USP54: variants seen among roughly 807,000 people sequenced by gnomAD.
USP54 encodes the protein ubiquitin specific peptidase 54.
Under a neutral mutation model 170.5 loss-of-function variants are expected in USP54, and 87 were observed. That is an observed-to-expected ratio of 0.51 (90% CI 0.43 to 0.61). The LOEUF (loss-of-function observed/expected upper bound fraction) is 0.61, where lower values mean the gene tolerates loss of function less well. USP54 is among the 20% of genes least tolerant of loss of function. The pLI, the probability that USP54 is intolerant of heterozygous loss-of-function variation, is 0.00. For missense variants in USP54, 1,786 were observed against 2,047.8 expected (o/e 0.87, Z 2.47); for synonymous variants, 655 against 742.8 (o/e 0.88, Z 1.92).
intron 1 of USP54, among the ~76,000 whole-genome samples, chr10:73,622,754 A>T (rs1243151932): frequency 6.6e-6 from 1 of 151,732 alleles, no homozygotes; most frequent in South Asian, 2.1e-4. Context: ...GGTGCTTGAG[A>T]TCAGCATGGG....
intron 1 of USP54, among the ~76,000 whole-genome samples, chr10:73,596,968 T>A (rs531825978): frequency 6.6e-6 from 1 of 152,238 alleles, no homozygotes; most frequent in Admixed American, 6.5e-5. Context: ...CATGACATTG[T>A]GAAGAAGGAA....
At chr10:73,539,225 G>A (rs998764999) in intron 10 of USP54, among the ~76,000 whole-genome samples, 4 of 145,926 alleles carry the variant, frequency 2.7e-5, no homozygotes, top group Admixed American at 7.0e-5. Context: ...ATTGCAGTGA[G>A]CCAAGACCAA....
chr10:73,565,738 T>C (rs1051686907), intron 4 of USP54, among the ~76,000 whole-genome samples: 2 of 152,318 alleles, frequency 1.3e-5, no homozygotes, highest in South Asian at 4.1e-4. Context: ...TATTCTATGA[T>C]CTAGCAATTC....
At chr10:73,587,344 G>A (rs1055775893) in intron 1 of USP54, among the ~76,000 whole-genome samples, 86 of 152,046 alleles carry the variant, frequency 5.7e-4, no homozygotes, top group Admixed American at 1.2e-3. Flanking sequence ...GTGTGGTGGC[G>A]AGCACCTGTG....
chr10:73,613,431 C>T (rs147822343), intron 1 of USP54, among the ~76,000 whole-genome samples: 92 of 151,146 alleles, frequency 6.1e-4, no homozygotes, highest in Admixed American at 5.2e-3. Flanking sequence ...AGCCACCGCA[C>T]CCGGCCTACC....
intron 1 of USP54, among the ~76,000 whole-genome samples, chr10:73,588,091 T>C (rs2077735243): frequency 6.6e-6 from 1 of 152,152 alleles, no homozygotes; most frequent in South Asian, 2.1e-4. Context: ...CACACACACA[T>C]ATAACTACTA....
At chr10:73,548,845 C>T (rs1372810949) in intron 4 of USP54, among the ~76,000 whole-genome samples, 3 of 152,122 alleles carry the variant, frequency 2.0e-5, no homozygotes, top group Non-Finnish European at 4.4e-5. Flanking sequence ...GCACGTTGTG[C>T]ACATGTACCC....
In USP54 at chr10:73,561,347, G is replaced by C. The variant is rs551482057; in HGVS notation, c.240+10074C>G. On this transcript the variant is annotated intron_variant, in intron 4 of 23. Transcript: ENST00000687698. ...CATTTCTAAAACTTCATGAAGGGCA[G>C]GGCACAGTGACTCACATCTGTAATC... 2.6e-5 allele frequency among the ~76,000 whole-genome samples: 4 copies of C among 152,250 alleles called. No individual in the cohort carries two copies. In the East Asian group the frequency reaches 7.7e-4, roughly 29 times the overall value.
rs767215464 is a variant in USP54, at chr10:73,530,237, G to A, written c.1734C>T (p.Pro578=). The A allele has an allele frequency of 6.2e-7, 1 of 1,613,986 alleles. No individual in the cohort carries two copies. Residue 578 remains proline, a synonymous_variant, in exon 14 of 24, where the codon CCC becomes CCT. Coordinates refer to ENST00000687698, the MANE Select transcript of USP54 (RefSeq NM_001391956.1). The part of the protein sequence containing the change: ...SSSKYRPTWR[P]KRESLNIDSI... ...TGTCAATATTCAGAGATTCTCGTTT[G>A]GGTCTCCATGTGGGACGATACTTGC... is the stretch of plus-strand genomic sequence containing the variant.
At chr10:73,611,376 T>C (rs936035747) in intron 1 of USP54, among the ~76,000 whole-genome samples, 3 of 152,164 alleles carry the variant, frequency 2.0e-5, no homozygotes, top group African/African-American at 7.2e-5. Context: ...GTACAAGGTA[T>C]GGTAGCTCCT....
Position 73,516,355 on chromosome 10 carries a change from A to T in USP54, c.4051+20T>A. Reference sequence around the variant, plus strand: ...TATATGATCCTCCCCCCTCCCCCCAACCCCTGGTTGCATTCTTACCTGTTT... The same window carrying T: ...TATATGATCCTCCCCCCTCCCCCCATCCCCTGGTTGCATTCTTACCTGTTT... On this transcript the variant is annotated intron_variant, in intron 20 of 23. Transcript: ENST00000687698. 1 of 1,584,442 alleles carries T rather than the reference A, an allele frequency of 6.3e-7. No homozygotes were observed. Among genetic ancestry groups the T allele is most frequent in the South Asian group, 1.2e-5 (1 of 85,996 alleles).
intron 9 of USP54, 31 bp downstream of exon 9, chr10:73,541,344 A>C: frequency 6.2e-7 from 1 of 1,613,300 alleles, no homozygotes; most frequent in Non-Finnish European, 8.5e-7. Flanking sequence ...GCAAGAACTC[A>C]AAGTGAGAGA....
chr10:73,581,462 T>C (rs1289869077), intron 1 of USP54, among the ~76,000 whole-genome samples: 6 of 152,172 alleles, frequency 3.9e-5, no homozygotes, highest in African/African-American at 1.2e-4. Context: ...GAGGCAGATT[T>C]ACCAAGCCAC....
chr10:73,515,077 A>C (rs1232186446), intron 20 of USP54, among the ~76,000 whole-genome samples: 3 of 151,904 alleles, frequency 2.0e-5, no homozygotes, highest in African/African-American at 7.3e-5. Context: ...CAAATCTTAT[A>C]TTTATGTGGT....
chr10:73,608,247 G>A (rs1351109711), intron 1 of USP54, among the ~76,000 whole-genome samples: 18 of 151,762 alleles, frequency 1.2e-4, no homozygotes, highest in East Asian at 1.9e-4. Context: ...GCAACAGAGC[G>A]AGATTCCATC....
chr10:73,523,694 T>C lies in USP54; in HGVS notation c.2251A>G (p.Arg751Gly), dbSNP rs1285911401. 6.2e-7 allele frequency: 1 copy of C among 1,613,840 alleles called. No individual in the cohort carries two copies. Among genetic ancestry groups the C allele is most frequent in the Admixed American group, 1.7e-5 (1 of 59,984 alleles). ...CTTCGAAGTTCCTGTTCCTGCGCCC[T>C]CCTGGCCACCTCTTCCTGCAATTCA... The part of the protein sequence containing the change: ...LDELQEEVAR[R>G]AQEQELRRKR... The change falls in exon 17 of 24, where the codon AGG (arginine) becomes GGG (glycine). Residue 751 changes from arginine (R) to glycine (G), a missense_variant. This residue lies in a region of USP54 where 1,418 missense variants were observed against 1,569.0 expected (regional missense o/e 0.90). Transcript: ENST00000687698.
chr10:73,603,443 A>G (rs77892350), intron 1 of USP54, among the ~76,000 whole-genome samples: 5,351 of 152,292 alleles, frequency 0.035, 150 homozygotes, highest in South Asian at 0.11. Flanking sequence ...TGCCATGTGC[A>G]GTGGCTCACA....
At position 73,543,008 on chromosome 10, in the gene USP54, T is replaced by C; in HGVS notation, c.489+10A>G. The C allele has an allele frequency of 6.2e-7, 1 of 1,612,354 alleles. No homozygotes were observed. Among genetic ancestry groups the C allele is most frequent in the Non-Finnish European group, 8.5e-7 (1 of 1,178,354 alleles). On this transcript the variant is annotated intron_variant, in intron 6 of 23. Coordinates refer to ENST00000687698, the MANE Select transcript of USP54 (RefSeq NM_001391956.1). ...AGAAATGTCTAAAAAAAGATGGAGC[T>C]AGAGTTCACCTGCTCAAACAATGTC...
At chr10:73,606,175 CAAAAAAAAAAAAAAAA>C (rs1178699732) in intron 1 of USP54, among the ~76,000 whole-genome samples, 2 of 25,592 alleles carry the variant, frequency 7.8e-5, no homozygotes, top group East Asian at 2.0e-3. Flanking sequence ...GAGGCTGTCT[CAAAAAAAAAAAAAAAA>C]AAAAAAAAAA....
Sources: gnomAD v4.1 joint callset for allele counts (sites outside exome capture counted in the v4.1 genomes callset) on GRCh38, gnomAD v4.1.1 for gene constraint, gnomAD v4.1.1 regional missense constraint, MANE v1.5 for transcripts, NCBI Gene and HGNC (gene_info 2026-07-23, HGNC 2026-07-21) for gene names.